Variants in PDE4D observed in about 807,000 individuals in gnomAD.
PDE4D encodes the protein phosphodiesterase 4D.
PDE4D carries 24 observed loss-of-function variants against 87.4 expected under a neutral mutation model. That is an observed-to-expected ratio of 0.27 (90% CI 0.20 to 0.39). PDE4D has a LOEUF of 0.39. PDE4D is among the 10% of genes least tolerant of loss of function. The probability of loss-of-function intolerance (pLI) is 1.00; values close to 1 mark genes in which losing one functional copy is unlikely to be tolerated. For missense variants in PDE4D, 714 were observed against 1,041.0 expected, an observed-to-expected ratio of 0.69 and a Z score of 4.32; for synonymous variants, 384 against 383.2, an observed-to-expected ratio of 1.00 and a Z score of -0.02.
At chr5:59,222,931 T>A (rs1401525177) in intron 1 of PDE4D, among the ~76,000 whole-genome samples, 1 of 152,212 alleles carries the variant, frequency 6.6e-6, no homozygotes, top group African/African-American at 2.4e-5. Context: ...TTAGCAGCTA[T>A]TGTTTTTCAT....
intron 1 of PDE4D, among the ~76,000 whole-genome samples, chr5:59,502,247 A>T (rs546853353): frequency 6.6e-6 from 1 of 152,306 alleles, no homozygotes; most frequent in East Asian, 1.9e-4. Context: ...GGTCAACAAA[A>T]TACCTATATG....
chr5:59,039,136 C>A (rs1309632195), intron 5 of PDE4D, 165 bp from the exon 6 acceptor site: 3 of 1,356,838 alleles, frequency 2.2e-6, no homozygotes, highest in Non-Finnish European at 2.8e-6. Context: ...GCAACGGGGG[C>A]GGAGGCTGTG....
chr5:59,893,284 C>G lies in PDE4D; in HGVS notation c.339G>C (p.Glu113Asp), dbSNP rs370095823. ...RVRHRGYSDT[E>D]RYLYCRAMDR... The stretch of plus-strand genomic sequence containing the variant: ...CCATGGCGCGACAGTACAGGTAGCG[C>G]TCGGTGTCCGAGTAGCCGCGATGCC... The change falls in exon 1 of 15, where the codon GAG becomes GAC. Residue 113 changes from glutamate to aspartate, a missense_variant. Glu to Asp is a conservative substitution (Grantham distance 45). Transcript: ENST00000340635. The G allele has an allele frequency of 6.5e-7, 1 of 1,546,568 alleles. No individual in the cohort carries two copies. Among genetic ancestry groups the G allele is most frequent in the East Asian group, 2.5e-5 (1 of 40,460 alleles).
chr5:59,878,272 T>G (rs1748904010), intron 1 of PDE4D, among the ~76,000 whole-genome samples: 1 of 152,214 alleles, frequency 6.6e-6, no homozygotes, highest in African/African-American at 2.4e-5. Context: ...TTGTTATGCT[T>G]CACATATTGA....
intron 1 of PDE4D, among the ~76,000 whole-genome samples, chr5:60,306,231 G>A (rs903016959): frequency 2.0e-5 from 3 of 151,960 alleles, no homozygotes; most frequent in Non-Finnish European, 4.4e-5. Context: ...AATGGCATAG[G>A]CTAAAGAATA....
chr5:60,426,746 T>C (rs1321811821), intron 1 of PDE4D, among the ~76,000 whole-genome samples: 1 of 152,086 alleles, frequency 6.6e-6, no homozygotes, highest in African/African-American at 2.4e-5. Context: ...AATCTCAAAA[T>C]TACCCAGATA....
intron 1 of PDE4D, among the ~76,000 whole-genome samples, chr5:59,287,002 A>G (rs1767076388): frequency 6.6e-6 from 1 of 152,150 alleles, no homozygotes; most frequent in South Asian, 2.1e-4. Flanking sequence ...GGAACAACAA[A>G]TTGAACAACT....
At position 58,976,622 on chromosome 5, in the gene PDE4D, CTT is replaced by C. The variant is rs140266125; in HGVS notation, c.1708-152_1708-151del. ...CCTTACTACTCCTTGGGGGCAGAGTCTTTTCCCCTTTGCTATCAAGTTTTCCC... is the reference window on the plus strand; with the variant it reads ...CCTTACTACTCCTTGGGGGCAGAGTCTTCCCCTTTGCTATCAAGTTTTCCC... On this transcript the variant is annotated intron_variant, in intron 12 of 14. Coordinates refer to ENST00000340635, the MANE Select transcript of PDE4D (RefSeq NM_001104631.2). 0.021 allele frequency: 13,426 copies of C among 654,624 alleles called. 182 individuals are homozygous for C. Among genetic ancestry groups the C allele is most frequent in the Middle Eastern group, 0.037 (85 of 2,322 alleles). The allele number at this position is 654,624 out of a possible 1,614,324, so 40.6% of individuals were successfully genotyped here.
At chr5:59,985,456 T>C (rs1490312600) in intron 3 of PDE4D, among the ~76,000 whole-genome samples, 3 of 152,192 alleles carry the variant, frequency 2.0e-5, no homozygotes, top group African/African-American at 7.2e-5. Context: ...CTTTACCTTC[T>C]ACTTCTCCTC....
intron 11 of PDE4D, among the ~76,000 whole-genome samples, chr5:58,978,424 A>G (rs2153311723): frequency 6.6e-6 from 1 of 152,330 alleles, no homozygotes; most frequent in East Asian, 1.9e-4. Context: ...TCAAAAAGAA[A>G]AGAAAAGAAA....
chr5:59,472,250 C>G (rs1802558915), intron 1 of PDE4D, among the ~76,000 whole-genome samples: 1 of 152,138 alleles, frequency 6.6e-6, no homozygotes. Context: ...CAATGACAAT[C>G]TTATTTGAAA....
At chr5:59,379,207 C>G (rs371934097) in intron 1 of PDE4D, among the ~76,000 whole-genome samples, 2 of 152,116 alleles carry the variant, frequency 1.3e-5, no homozygotes, top group African/African-American at 4.8e-5. Context: ...GTCTGCGTAA[C>G]AATCAATAAT....
chr5:59,382,735 A>C (rs1408875137), intron 1 of PDE4D, among the ~76,000 whole-genome samples: 2 of 151,996 alleles, frequency 1.3e-5, no homozygotes, highest in Non-Finnish European at 2.9e-5. Flanking sequence ...AAATCCAAAC[A>C]ATGAAAAAAG....
At chr5:59,062,386 C>T (rs1036697499) in intron 5 of PDE4D, among the ~76,000 whole-genome samples, 2 of 152,076 alleles carry the variant, frequency 1.3e-5, no homozygotes, top group African/African-American at 4.8e-5. Flanking sequence ...TCTGAGCTAT[C>T]CCTCAACTAA....
intron 5 of PDE4D, among the ~76,000 whole-genome samples, chr5:59,068,208 A>G (rs1307599701): frequency 6.6e-6 from 1 of 152,208 alleles, no homozygotes; most frequent in African/African-American, 2.4e-5. Context: ...CCATACCACA[A>G]GCATTCCCAG....
chr5:60,046,424 A>G (rs1327947337), intron 2 of PDE4D, among the ~76,000 whole-genome samples: 1 of 152,194 alleles, frequency 6.6e-6, no homozygotes, highest in Non-Finnish European at 1.5e-5. Flanking sequence ...GGGGTGAGAG[A>G]AGGCATCCCT....
chr5:59,355,720 T>C (rs1276220548), intron 1 of PDE4D, among the ~76,000 whole-genome samples: 2 of 152,168 alleles, frequency 1.3e-5, no homozygotes, highest in East Asian at 1.9e-4. Flanking sequence ...TGCATTGTTA[T>C]ACAAAATTTT....
intron 1 of PDE4D, among the ~76,000 whole-genome samples, chr5:59,404,657 C>T (rs1423204319): frequency 9.4e-6 from 1 of 105,828 alleles, no homozygotes; most frequent in Non-Finnish European, 1.9e-5. Flanking sequence ...CAGAGTGAGA[C>T]TCTGTCTAAA....
rs544441144 is a variant in PDE4D at position 59,870,062 on chromosome 5, G to A, written c.455+23106C>T. Among the ~76,000 whole-genome samples, 141 of 152,208 alleles carry A rather than the reference G, an allele frequency of 9.3e-4. 2 individuals are homozygous for A. The highest frequency in any genetic ancestry group is 1.8e-3 in the Admixed American group (28 of 15,288). Reference sequence around the variant, plus strand: ...TGTTGCCCACATACCATTAGGGCAAGGTCTGTTATCTGGAATTTTCCATAA... The same window carrying A: ...TGTTGCCCACATACCATTAGGGCAAAGTCTGTTATCTGGAATTTTCCATAA... On this transcript the variant is annotated intron_variant, in intron 1 of 14. Coordinates refer to ENST00000340635, the MANE Select transcript of PDE4D (RefSeq NM_001104631.2).
Sources: allele counts gnomAD v4.1 joint callset (sites outside exome capture counted in the v4.1 genomes callset), GRCh38; gene constraint gnomAD v4.1.1; transcripts MANE v1.5; gene names NCBI Gene and HGNC (gene_info 2026-07-23, HGNC 2026-07-21).